CCKAR: variants seen among roughly 807,000 people sequenced by gnomAD.
CCKAR encodes the protein cholecystokinin A receptor, also known as cholecystokinin receptor type A.
In CCKAR, 21 loss-of-function variants were observed where a neutral mutation model predicts 29.8. The observed-to-expected ratio is 0.70, with a 90% confidence interval of 0.50 to 1.01. The LOEUF (loss-of-function observed/expected upper bound fraction) is 1.01, where lower values mean the gene tolerates loss of function less well. Ranked by LOEUF, CCKAR falls within the 50% of genes least tolerant of loss-of-function variation. CCKAR has a pLI of 0.00. For missense variants in CCKAR, 570 were observed against 560.6 expected (o/e 1.02, Z -0.17); for synonymous variants, 238 against 221.3 (o/e 1.08, Z -0.67).
At position 26,489,464 on chromosome 4, in the gene CCKAR, T is replaced by G. The variant is rs1737513324; in HGVS notation, c.133A>C (p.Ile45Leu). The change falls in exon 2 of 5, where the codon ATT (isoleucine) becomes CTT (leucine). Residue 45 changes from isoleucine (I) to leucine (L), a missense_variant. Physicochemically the swap from Ile to Leu is conservative, Grantham distance 5. Coordinates refer to ENST00000295589, the MANE Select transcript of CCKAR (RefSeq NM_000730.3). Reference sequence around the variant, plus strand: ...AGGAATATCAAGGAGTACAAGAGAATCTGCACCGCTGGCTGCCACTCTGCA... The same window carrying G: ...AGGAATATCAAGGAGTACAAGAGAAGCTGCACCGCTGGCTGCCACTCTGCA... ...PSKEWQPAVQ[I>L]LLYSLIFLLS... 1 of 1,613,694 alleles carries G rather than the reference T, an allele frequency of 6.2e-7. No individual in the cohort carries two copies. Among genetic ancestry groups the G allele is most frequent in the Non-Finnish European group, 8.5e-7 (1 of 1,179,724 alleles).
rs773870092 is a variant in CCKAR, at chr4:26,482,186, A to C, written c.755-16T>G. On this transcript the variant is annotated splice_polypyrimidine_tract_variant and intron_variant, in intron 4 of 4. Coordinates refer to ENST00000295589, the MANE Select transcript of CCKAR (RefSeq NM_000730.3). ...GGTTTCCTTTCTGGGTGGGCAAGAG[A>C]CATCACTCATTGCTGGGGATGGGTC... The C allele has an allele frequency of 6.3e-7, 1 of 1,591,980 alleles. No homozygotes were observed. The highest frequency in any genetic ancestry group is 1.3e-5 in the African/African-American group (1 of 74,254).
intron 2 of CCKAR, among the ~76,000 whole-genome samples, chr4:26,488,307 A>G (rs1737487584): frequency 6.6e-6 from 1 of 152,202 alleles, no homozygotes; most frequent in Non-Finnish European, 1.5e-5. Context: ...GTGTGGCTAC[A>G]AATCTGGACT....
Position 26,481,908 on chromosome 4 carries a change from G to A in CCKAR, c.1017C>T (p.Asp339=). Reference sequence around the variant, plus strand: ...AGAGGCGGCGCTCTGCGGAGGCGGTGTCGTAGGCCCGCCAGGCGTTGGCGC... The same window carrying A: ...AGAGGCGGCGCTCTGCGGAGGCGGTATCGTAGGCCCGCCAGGCGTTGGCGC... ...IFSANAWRAY[D]TASAERRLSG... Residue 339 remains aspartate, a synonymous_variant, in exon 5 of 5, where the codon GAC becomes GAT. Coordinates refer to ENST00000295589, the MANE Select transcript of CCKAR (RefSeq NM_000730.3). The A allele has an allele frequency of 6.2e-7, 1 of 1,614,268 alleles. No individual in the cohort carries two copies. The highest frequency in any genetic ancestry group is 8.5e-7 in the Non-Finnish European group (1 of 1,180,050).
chr4:26,483,509 G>A (rs1210638234), intron 3 of CCKAR, among the ~76,000 whole-genome samples: 1 of 152,102 alleles, frequency 6.6e-6, no homozygotes, highest in Non-Finnish European at 1.5e-5. Context: ...AGTTTAATTG[G>A]AAAAGTTTGG....
chr4:26,489,091 G>T, intron 2 of CCKAR, 142 bp downstream of exon 2: 1 of 1,055,428 alleles, frequency 9.5e-7, no homozygotes, highest in Non-Finnish European at 1.4e-6. Flanking sequence ...CAATGTCCGT[G>T]CACACAGCCA....
At chr4:26,489,626 A>G (rs1280571592) in intron 1 of CCKAR, 142 bp from the exon 2 acceptor site, 1 of 872,490 alleles carries the variant, frequency 1.1e-6, no homozygotes, top group South Asian at 1.8e-5. Context: ...TCCTGGCAAC[A>G]TTTTGCGGAA....
chr4:26,485,347 C>T (rs1378240114), intron 3 of CCKAR, among the ~76,000 whole-genome samples: 2 of 152,122 alleles, frequency 1.3e-5, no homozygotes, highest in African/African-American at 4.8e-5. Context: ...GAAACTTAAC[C>T]TTTCCAAGTC....
In CCKAR at chr4:26,488,047, G is replaced by T. The variant is rs143116133; in HGVS notation, c.364+1186C>A. On this transcript the variant is annotated intron_variant, in intron 2 of 4. Transcript: ENST00000295589. Reference sequence around the variant, plus strand: ...CACTTCCTCAACTGGGAAAAATGAGGACTTATAAGGCTTTCTGGTCATTGA... The same window carrying T: ...CACTTCCTCAACTGGGAAAAATGAGTACTTATAAGGCTTTCTGGTCATTGA... Among the ~76,000 whole-genome samples, 169 of 152,000 alleles carry T rather than the reference G, an allele frequency of 1.1e-3. 5 individuals are homozygous for T. In the East Asian group the frequency reaches 0.026, roughly 23 times the overall value.
At position 26,481,909 on chromosome 4, in the gene CCKAR, T is replaced by C. The variant is rs765673885; in HGVS notation, c.1016A>G (p.Asp339Gly). 5 of 1,614,066 alleles carry C rather than the reference T, an allele frequency of 3.1e-6. No individual in the cohort carries two copies. ...IFSANAWRAY[D>G]TASAERRLSG... ...GAGGCGGCGCTCTGCGGAGGCGGTG[T>C]CGTAGGCCCGCCAGGCGTTGGCGCT... is the stretch of plus-strand genomic sequence containing the variant. Residue 339 changes from aspartate (D) to glycine (G), a missense_variant, in exon 5 of 5, where the codon GAC becomes GGC. Asp to Gly is a moderately conservative substitution (Grantham distance 94, BLOSUM62 -1). Coordinates refer to ENST00000295589, the MANE Select transcript of CCKAR (RefSeq NM_000730.3).
At chr4:26,485,954 G>C in intron 2 of CCKAR, 56 bp from the exon 3 acceptor site, 1 of 1,531,974 alleles carries the variant, frequency 6.5e-7, no homozygotes, top group Non-Finnish European at 8.9e-7. Flanking sequence ...AAGTTTATTT[G>C]CACATTAGCT....
In CCKAR at chr4:26,485,754, A is replaced by G. The variant is rs753857877; in HGVS notation, c.509T>C (p.Phe170Ser). Reference sequence around the variant, plus strand: ...AATGGGGTACGGAGTCATGATGGTAAAGGAAAGGCACCAGGTAGCAGCAAT... The same window carrying G: ...AATGGGGTACGGAGTCATGATGGTAGAGGAAAGGCACCAGGTAGCAGCAAT... ...KVIAATWCLS[F>S]TIMTPYPIYS... The change falls in exon 3 of 5, where the codon TTT (phenylalanine) becomes TCT (serine). Residue 170 changes from phenylalanine to serine, a missense_variant. Coordinates refer to ENST00000295589, the MANE Select transcript of CCKAR (RefSeq NM_000730.3). 6.2e-7 allele frequency: 1 copy of G among 1,614,030 alleles called. No individual in the cohort carries two copies. Among genetic ancestry groups the G allele is most frequent in the South Asian group, 1.1e-5 (1 of 91,080 alleles).
chr4:26,486,773 G>T (rs1423043272), intron 2 of CCKAR, among the ~76,000 whole-genome samples: 2 of 152,234 alleles, frequency 1.3e-5, no homozygotes, highest in South Asian at 2.1e-4. Flanking sequence ...AATTAACCAG[G>T]CATGGCTGCA....
chr4:26,485,950 A>G (rs1177179432), intron 2 of CCKAR, 52 bp from the exon 3 acceptor site: 2 of 1,551,388 alleles, frequency 1.3e-6, no homozygotes, highest in East Asian at 2.3e-5. Flanking sequence ...TCCAAAGTTT[A>G]TTTGCACATT....
At chr4:26,487,921 T>A (rs1451814569) in intron 2 of CCKAR, among the ~76,000 whole-genome samples, 1 of 148,384 alleles carries the variant, frequency 6.7e-6, no homozygotes, top group Non-Finnish European at 1.5e-5. Flanking sequence ...AGTTTTGTCT[T>A]TTTTTTTTTT....
rs1737344605 is a variant in CCKAR, at chr4:26,481,596, T to G, written c.*42A>C. On this transcript the variant is annotated 3_prime_UTR_variant, in exon 5 of 5. Coordinates refer to ENST00000295589, the MANE Select transcript of CCKAR (RefSeq NM_000730.3). ...CTTCTTCCGTTCTTTCTTCTCTGCC[T>G]CCTCCCTGCCTTCCTTCTGCGGTGG... 1 of 1,604,230 alleles carries G rather than the reference T, an allele frequency of 6.2e-7. No individual in the cohort carries two copies. Among genetic ancestry groups the G allele is most frequent in the Non-Finnish European group, 8.5e-7 (1 of 1,171,550 alleles).
In CCKAR at chr4:26,486,900, C is replaced by T. The variant is rs769299688; in HGVS notation, c.365-1002G>A. ...CTGCACCCCAGCCTGGGCGACAGAGCGGCACTCCATCTCAAAAATAAAATA... is the reference window on the plus strand; with the variant it reads ...CTGCACCCCAGCCTGGGCGACAGAGTGGCACTCCATCTCAAAAATAAAATA... On this transcript the variant is annotated intron_variant, in intron 2 of 4. Coordinates refer to ENST00000295589, the MANE Select transcript of CCKAR (RefSeq NM_000730.3). Among the ~76,000 whole-genome samples, 68 of 152,182 alleles carry T rather than the reference C, an allele frequency of 4.5e-4. 1 individual carries two copies. Among genetic ancestry groups the T allele is most frequent in the South Asian group, 1.5e-3 (7 of 4,820 alleles).
In CCKAR at chr4:26,481,645, G is replaced by C; in HGVS notation, c.1280C>G (p.Pro427Arg). The change falls in exon 5 of 5, where the codon CCC (proline) becomes CGC (arginine). Residue 427 changes from proline (P) to arginine (R), a missense_variant. Coordinates refer to ENST00000295589, the MANE Select transcript of CCKAR (RefSeq NM_000730.3). ...GGAGGGTCAGGGGACATCTCACTGG[G>C]GTGGCACCGAGGCACTCATATGGCT... ...SYSHMSASVP[P>R]Q The C allele has an allele frequency of 6.2e-7, 1 of 1,614,134 alleles. No homozygotes were observed. Among genetic ancestry groups the C allele is most frequent in the South Asian group, 1.1e-5 (1 of 91,064 alleles).
chr4:26,481,869 A>C lies in CCKAR; in HGVS notation c.1056T>G (p.Ile352Met). The part of the protein sequence containing the change: ...SAERRLSGTP[I>M]SFILLLSYTS... ...TGTAGGACAGGAGGAGGATGAAGGA[A>C]ATGGGGGTTCCTGAGAGGCGGCGCT... Residue 352 changes from isoleucine (I) to methionine (M), a missense_variant, in exon 5 of 5, where the codon ATT (isoleucine) becomes ATG (methionine). Transcript: ENST00000295589. 6.2e-7 allele frequency: 1 copy of C among 1,614,076 alleles called. No individual in the cohort carries two copies. The highest frequency in any genetic ancestry group is 1.3e-5 in the African/African-American group (1 of 75,046).
rs199686239 is a variant in CCKAR at position 26,483,205 on chromosome 4, T to A, written c.705A>T (p.Glu235Asp). The A allele has an allele frequency of 1.2e-6, 2 of 1,613,812 alleles. No homozygotes were observed. Among genetic ancestry groups the A allele is most frequent in the Non-Finnish European group, 8.5e-7 (1 of 1,179,878 alleles). ...CCTCAAATTTTATTCCCTGGTAGAGTTCCAAAGAGATTAATCCATATGCCA... is the reference window on the plus strand; with the variant it reads ...CCTCAAATTTTATTCCCTGGTAGAGATCCAAAGAGATTAATCCATATGCCA... ...MMVAYGLISL[E>D]LYQGIKFEAS... The change falls in exon 4 of 5, where the codon GAA (glutamate) becomes GAT (aspartate). Residue 235 changes from glutamate to aspartate, a missense_variant. Glu to Asp is a conservative substitution (Grantham distance 45). Transcript: ENST00000295589.
Sources: allele counts gnomAD v4.1 joint callset (sites outside exome capture counted in the v4.1 genomes callset), GRCh38; gene constraint gnomAD v4.1.1; transcripts MANE v1.5; gene names NCBI Gene and HGNC (gene_info 2026-07-23, HGNC 2026-07-21).